The following SUGCT variants were observed in gnomAD, a reference collection of about 807,000 sequenced individuals.
The protein encoded by SUGCT is succinyl-CoA:glutarate CoA-transferase.
In SUGCT, 41 loss-of-function variants were observed where a neutral mutation model predicts 55.0. The observed-to-expected ratio is 0.74, with a 90% CI of 0.58 to 0.97. The LOEUF (loss-of-function observed/expected upper bound fraction) is 0.97. SUGCT is among the 50% of genes least tolerant of loss of function. SUGCT has a pLI of 0.00. For synonymous variants in SUGCT, 187 were observed against 200.4 expected, an observed-to-expected ratio of 0.93 and a Z score of 0.56; for missense variants, 568 against 547.8, an observed-to-expected ratio of 1.04 and a Z score of -0.37.
chr7:40,179,517 A>G (rs1250959958), intron 1 of SUGCT, among the ~76,000 whole-genome samples: 5 of 152,178 alleles, frequency 3.3e-5, no homozygotes, highest in Admixed American at 6.6e-5. Context: ...TCCTGACCTC[A>G]GGTGATCTGC....
rs555314893 is a variant in SUGCT at position 40,333,496 on chromosome 7, G to A, written c.816+16641G>A. 2.7e-5 allele frequency among the ~76,000 whole-genome samples: 4 copies of A among 150,820 alleles called. No homozygotes were observed. The South Asian group carries it at 8.4e-4, about 32-fold the overall frequency. ...TACTAAAAATATGAAAATTAGCCCAGTGTGGGGGCATGGACCTGTAACCCC... is the reference window on the plus strand; with the variant it reads ...TACTAAAAATATGAAAATTAGCCCAATGTGGGGGCATGGACCTGTAACCCC... On this transcript the variant is annotated intron_variant, in intron 9 of 13. Coordinates refer to ENST00000335693, the MANE Select transcript of SUGCT (RefSeq NM_001193313.2).
chr7:40,212,219 A>C (rs1562580868), intron 6 of SUGCT, among the ~76,000 whole-genome samples: 2 of 151,762 alleles, frequency 1.3e-5, no homozygotes, highest in African/African-American at 4.8e-5. Flanking sequence ...CAAGTTTGTC[A>C]ATTCTAAAGA....
At chr7:40,908,244 G>A in the SUGCT span, among the ~76,000 whole-genome samples, 2 of 151,774 alleles carry the variant, frequency 1.3e-5, no homozygotes, top group African/African-American at 4.8e-5. Context: ...TTAGCTGGGC[G>A]TGGTGGCGGG....
intron 6 of SUGCT, among the ~76,000 whole-genome samples, chr7:40,221,107 T>A (rs975328373): frequency 6.6e-6 from 1 of 152,176 alleles, no homozygotes; most frequent in African/African-American, 2.4e-5. Flanking sequence ...TATATTCATT[T>A]GGAAAATACA....
chr7:40,585,919 A>G (rs1797352557), intron 12 of SUGCT, among the ~76,000 whole-genome samples: 1 of 152,052 alleles, frequency 6.6e-6, no homozygotes, highest in Non-Finnish European at 1.5e-5. Flanking sequence ...GGGCTCAAGC[A>G]ATCCATCTGT....
intron 7 of SUGCT, among the ~76,000 whole-genome samples, chr7:40,271,894 C>G (rs1033224693): frequency 6.6e-6 from 1 of 151,750 alleles, no homozygotes; most frequent in Non-Finnish European, 1.5e-5. Context: ...ATGAGATCTA[C>G]TTTGTTAGCT....
intron 9 of SUGCT, among the ~76,000 whole-genome samples, chr7:40,349,927 A>G (rs1429259536): frequency 1.3e-5 from 2 of 152,088 alleles, no homozygotes; most frequent in Admixed American, 6.6e-5. Context: ...AGCTCAAACA[A>G]TCCTCCTGCC....
intron 9 of SUGCT, among the ~76,000 whole-genome samples, chr7:40,441,203 A>C (rs1788496241): frequency 1.3e-5 from 2 of 152,182 alleles, no homozygotes; most frequent in South Asian, 2.1e-4. Flanking sequence ...TTTAAAGGTA[A>C]GTACTGATGA....
At chr7:40,139,482 G>A (rs900292543) in intron 1 of SUGCT, among the ~76,000 whole-genome samples, 2 of 152,220 alleles carry the variant, frequency 1.3e-5, no homozygotes, top group Non-Finnish European at 1.5e-5. Flanking sequence ...ACAGGCGTGA[G>A]CCACTGTGCC....
At chr7:40,151,710 G>T in intron 1 of SUGCT, 1 of 184,888 alleles carries the variant, frequency 5.4e-6, no homozygotes. Context: ...CCTCAGAGGT[G>T]AGTCTTAGCT....
intron 13 of SUGCT, among the ~76,000 whole-genome samples, chr7:40,816,041 G>A (rs764883984): frequency 4.6e-5 from 7 of 152,202 alleles, no homozygotes; most frequent in Non-Finnish European, 7.3e-5. Flanking sequence ...CCAGTTCCAC[G>A]TTGCCAAGCT....
rs557377933 is a variant in SUGCT, at chr7:40,542,239, C to CCATCAT, written c.1089+45857_1089+45858insATCATC. On this transcript the variant is annotated intron_variant, in intron 12 of 13. Transcript: ENST00000335693. ...TATGACATAGACAATGTAATCATAA[C>CCATCAT]CATCGTCATCATCATCATCATCATC... Among the ~76,000 whole-genome samples, 3 of 152,038 alleles carry CCATCAT rather than the reference C, an allele frequency of 2.0e-5. No homozygotes were observed. In the East Asian group the frequency reaches 5.8e-4, roughly 29 times the overall value.
In SUGCT at chr7:40,305,333, A is replaced by G. The variant is rs533225941; in HGVS notation, c.721-11427A>G. ...TTCTTCTTTAAATTCTTCAAATTAG[A>G]GGAAAGCAGTGTTATTCATTCATTT... On this transcript the variant is annotated intron_variant, in intron 8 of 13. Coordinates refer to ENST00000335693, the MANE Select transcript of SUGCT (RefSeq NM_001193313.2). 5.3e-5 allele frequency among the ~76,000 whole-genome samples: 8 copies of G among 152,362 alleles called. No individual in the cohort carries two copies. In the South Asian group the frequency reaches 1.7e-3, roughly 32 times the overall value.
the SUGCT span, among the ~76,000 whole-genome samples, chr7:40,917,024 G>T: frequency 1.6e-4 from 24 of 152,120 alleles, no homozygotes; most frequent in Admixed American, 1.6e-3. Flanking sequence ...TAATCTTCTC[G>T]TCTGACAAAG....
chr7:40,787,163 G>T (rs1006376), intron 13 of SUGCT, among the ~76,000 whole-genome samples: 67,064 of 151,942 alleles, frequency 0.44, 15,251 homozygotes, highest in South Asian at 0.59. Context: ...GAAGACCAGT[G>T]TGTAGCACAC....
chr7:40,186,672 G>A (rs1042919303), intron 3 of SUGCT, among the ~76,000 whole-genome samples: 2 of 152,206 alleles, frequency 1.3e-5, no homozygotes, highest in African/African-American at 2.4e-5. Context: ...GTCAGTGGGT[G>A]TATCTGTGTG....
the SUGCT span, among the ~76,000 whole-genome samples, chr7:40,915,545 A>G: frequency 6.6e-6 from 1 of 152,228 alleles, no homozygotes; most frequent in East Asian, 1.9e-4. Context: ...CAGTTTTGGC[A>G]ATGCCGTGTT....
At chr7:40,319,097 A>G (rs10231838) in intron 9 of SUGCT, among the ~76,000 whole-genome samples, 85,464 of 151,994 alleles carry the variant, frequency 0.56, 25,392 homozygotes, top group Non-Finnish European at 0.67. Context: ...CTGTTCTTCA[A>G]TGATAGAAAT....
At chr7:40,196,280 A>G (rs1474654570) in intron 6 of SUGCT, among the ~76,000 whole-genome samples, 1 of 152,182 alleles carries the variant, frequency 6.6e-6, no homozygotes, top group Non-Finnish European at 1.5e-5. Context: ...ATAACATAAA[A>G]TGTTATATTA....
Sources: allele counts gnomAD v4.1 joint callset (sites outside exome capture counted in the v4.1 genomes callset), GRCh38; gene constraint gnomAD v4.1.1; transcripts MANE v1.5; gene names NCBI Gene and HGNC (gene_info 2026-07-23, HGNC 2026-07-21).